Variants in PARL observed in about 807,000 individuals in gnomAD.
The protein encoded by PARL is presenilin-associated rhomboid-like protein, mitochondrial.
Under a neutral mutation model 51.6 loss-of-function variants are expected in PARL, and 44 were observed. That is an observed-to-expected ratio of 0.85 (90% CI 0.67 to 1.10). PARL has a LOEUF of 1.10. Among genes scored for constraint, PARL ranks in the 50% least tolerant of loss-of-function variants. PARL has a pLI of 0.00. For missense variants in PARL, 441 were observed against 469.5 expected, an observed-to-expected ratio of 0.94 and a Z score of 0.56; for synonymous variants, 172 against 164.0, an observed-to-expected ratio of 1.05 and a Z score of -0.37.
At chr3:183,836,118 G>A (rs2108591824) in intron 7 of PARL, among the ~76,000 whole-genome samples, 1 of 150,040 alleles carries the variant, frequency 6.7e-6, no homozygotes, top group African/African-American at 2.5e-5. Context: ...TCAGGAGGTT[G>A]AGGCAGGAGA....
chr3:183,858,200 AAAAG>A (rs1731384171), intron 4 of PARL, among the ~76,000 whole-genome samples: 1 of 152,206 alleles, frequency 6.6e-6, no homozygotes, highest in Admixed American at 6.5e-5. Flanking sequence ...GATTCTGATT[AAAAG>A]GTAAAGATGG....
At chr3:183,878,080 C>A (rs1156368003) in intron 1 of PARL, among the ~76,000 whole-genome samples, 1 of 152,140 alleles carries the variant, frequency 6.6e-6, no homozygotes, top group Admixed American at 6.6e-5. Flanking sequence ...CGTGAGCCAC[C>A]GCGCCCAGCC....
intron 1 of PARL, among the ~76,000 whole-genome samples, chr3:183,882,953 C>T (rs1249100787): frequency 2.6e-5 from 4 of 152,152 alleles, no homozygotes; most frequent in Non-Finnish European, 4.4e-5. Context: ...ATAAGGTAAA[C>T]TGATACTATT....
intron 1 of PARL, among the ~76,000 whole-genome samples, chr3:183,878,368 C>G (rs1734082383): frequency 6.6e-6 from 1 of 152,140 alleles, no homozygotes; most frequent in Non-Finnish European, 1.5e-5. Flanking sequence ...AACCCAGCTG[C>G]AAGGAATAGG....
intron 1 of PARL, among the ~76,000 whole-genome samples, chr3:183,878,593 G>A (rs1042962529): frequency 5.9e-5 from 9 of 152,144 alleles, no homozygotes; most frequent in African/African-American, 1.9e-4. Flanking sequence ...TGGACCCAAG[G>A]CCTTAGTAGT....
chr3:183,840,158 C>G (rs949879476), intron 7 of PARL, among the ~76,000 whole-genome samples: 2 of 152,184 alleles, frequency 1.3e-5, no homozygotes, highest in African/African-American at 4.8e-5. Flanking sequence ...CAGCTGTTAT[C>G]CCCAGGCTCT....
intron 1 of PARL, among the ~76,000 whole-genome samples, chr3:183,868,840 C>T (rs571730035): frequency 6.6e-6 from 1 of 152,268 alleles, no homozygotes; most frequent in Non-Finnish European, 1.5e-5. Flanking sequence ...CTAAGTATTG[C>T]CCATTATAAA....
At chr3:183,826,883 T>C, downstream of PARL, 2 of 611,422 alleles carry the variant, frequency 3.3e-6, no homozygotes, top group Non-Finnish European at 4.1e-6. Context: ...ATTACTTCAT[T>C]GATCAAACAA....
chr3:183,834,910 T>C (rs1448577331), intron 7 of PARL, among the ~76,000 whole-genome samples: 1 of 111,622 alleles, frequency 9.0e-6, no homozygotes, highest in African/African-American at 3.7e-5. Context: ...AAAAAAAAAA[T>C]TAGCTGGGCG....
intron 4 of PARL, 31 bp downstream of exon 4, chr3:183,862,722 G>C: frequency 6.3e-7 from 1 of 1,583,834 alleles, no homozygotes; most frequent in Non-Finnish European, 8.7e-7. Flanking sequence ...CTCTTCCCTT[G>C]AATGGTTAAA....
intron 4 of PARL, among the ~76,000 whole-genome samples, chr3:183,849,827 A>T (rs146539003): frequency 6.6e-6 from 1 of 152,312 alleles, no homozygotes; most frequent in Non-Finnish European, 1.5e-5. Flanking sequence ...AAATAAAAAC[A>T]AATTACTAAA....
intron 4 of PARL, among the ~76,000 whole-genome samples, chr3:183,860,245 A>T (rs1731654111): frequency 6.6e-6 from 1 of 152,218 alleles, no homozygotes; most frequent in Admixed American, 6.5e-5. Context: ...CCCCAGGAAG[A>T]AGACAAGACA....
chr3:183,836,770 G>C lies in PARL; in HGVS notation c.829-2945C>G, dbSNP rs990303486. On this transcript the variant is annotated intron_variant, in intron 7 of 9. Coordinates refer to ENST00000317096, the MANE Select transcript of PARL (RefSeq NM_018622.7). ...TCATAAACATATATTTTTTGAGACA[G>C]AGTCTCGCTATTGCCCAAACTGGAG... Among the ~76,000 whole-genome samples the C allele has an allele frequency of 6.6e-5, 10 of 152,134 alleles. No individual in the cohort carries two copies. In the South Asian group the frequency reaches 8.3e-4, roughly 13 times the overall value.
At chr3:183,867,699 CAAA>C (rs111387397) in intron 2 of PARL, among the ~76,000 whole-genome samples, 163 bp downstream of exon 2, 2 of 97,096 alleles carry the variant, frequency 2.1e-5, no homozygotes, top group Non-Finnish European at 2.3e-5. Flanking sequence ...GACTCCGTCT[CAAA>C]AAAAAAAAAA....
chr3:183,852,223 G>A (rs1419942434), intron 4 of PARL, among the ~76,000 whole-genome samples: 1 of 152,108 alleles, frequency 6.6e-6, no homozygotes, highest in Non-Finnish European at 1.5e-5. Flanking sequence ...CACAGCATTA[G>A]TCACAATAAC....
At position 183,842,305 on chromosome 3, in the gene PARL, T is replaced by C. The variant is rs745545900; in HGVS notation, c.750A>G (p.Leu250=). The C allele has an allele frequency of 1.9e-6, 3 of 1,612,226 alleles. No individual in the cohort carries two copies. Among genetic ancestry groups the C allele is most frequent in the Non-Finnish European group, 2.5e-6 (3 of 1,179,736 alleles). ...LGQEQFMAVY[L]SAGVISNFVS... ...GAGATTAAAGCATATTACCTGCAGA[T>C]AGGTACACTGCCATGAACTGCTCTT... Residue 250 remains leucine (L), a synonymous_variant, in exon 6 of 10, where the codon CTA becomes CTG. Coordinates refer to ENST00000317096, the MANE Select transcript of PARL (RefSeq NM_018622.7).
At position 183,866,615 on chromosome 3, in the gene PARL, T is replaced by G. The variant is rs1346743057; in HGVS notation, c.462+10A>C. 2 of 1,609,390 alleles carry G rather than the reference T, an allele frequency of 1.2e-6. No individual in the cohort carries two copies. The highest frequency in any genetic ancestry group is 3.3e-5 in the Admixed American group (2 of 60,018). ...TTAACTAGAAGAAAGAAAGCAGTGT[T>G]TATCTTTACCTCCTTTCTGAAGTCT... On this transcript the variant is annotated intron_variant, in intron 3 of 9. Coordinates refer to ENST00000317096, the MANE Select transcript of PARL (RefSeq NM_018622.7).
intron 4 of PARL, among the ~76,000 whole-genome samples, chr3:183,852,005 A>T (rs965407721): frequency 3.3e-5 from 5 of 152,088 alleles, no homozygotes; most frequent in African/African-American, 1.2e-4. Context: ...ACAGAAAATT[A>T]AAAAATTAGC....
intron 5 of PARL, chr3:183,843,297 A>C: frequency 1.0e-6 from 1 of 985,410 alleles, no homozygotes; most frequent in Non-Finnish European, 1.2e-6. Context: ...CTTATGGCAA[A>C]AGTTGATTAG....
Sources: gnomAD v4.1 joint callset for allele counts (sites outside exome capture counted in the v4.1 genomes callset) on GRCh38, gnomAD v4.1.1 for gene constraint, MANE v1.5 for transcripts, NCBI Gene and HGNC (gene_info 2026-07-23, HGNC 2026-07-21) for gene names.